The following STARD13 variants were observed in gnomAD, a reference collection of about 807,000 sequenced individuals.
STARD13 encodes the protein stAR-related lipid transfer protein 13.
A neutral mutation model predicts 106.4 loss-of-function variants in STARD13; 62 were observed. The ratio of observed to expected loss-of-function variants is 0.58; its 90% confidence interval spans 0.48 to 0.72. STARD13 has a LOEUF of 0.72. STARD13 is among the 30% of genes least tolerant of loss of function. The probability of loss-of-function intolerance (pLI) is 0.00; values close to 1 mark genes in which losing one functional copy is unlikely to be tolerated. For missense variants in STARD13, 1,387 were observed against 1,424.0 expected (o/e 0.97, Z 0.42); for synonymous variants, 565 against 553.0 (o/e 1.02, Z -0.31).
At chr13:33,189,361 C>A (rs1886034096) in intron 1 of STARD13, among the ~76,000 whole-genome samples, 1 of 141,684 alleles carries the variant, frequency 7.1e-6, no homozygotes, top group Non-Finnish European at 1.5e-5. Context: ...GGAAAAGAAG[C>A]AGGAGGGCAG....
chr13:33,337,046 T>G (rs1295001870), intron 1 of STARD13, among the ~76,000 whole-genome samples: 1 of 152,142 alleles, frequency 6.6e-6, no homozygotes, highest in African/African-American at 2.4e-5. Flanking sequence ...CAAGGTTAAA[T>G]GTAAAATATT....
intron 1 of STARD13, among the ~76,000 whole-genome samples, chr13:33,193,000 T>A (rs797201): frequency 0.8 from 121,187 of 152,176 alleles, 48,701 homozygotes; most frequent in African/African-American, 0.91. Flanking sequence ...CTATAACTCA[T>A]ACCACAGCTT....
At chr13:33,623,624 T>G in the STARD13 span, among the ~76,000 whole-genome samples, 1 of 152,098 alleles carries the variant, frequency 6.6e-6, no homozygotes, top group Non-Finnish European at 1.5e-5. Flanking sequence ...TACATCTACA[T>G]ATTTAATTAT....
the STARD13 span, among the ~76,000 whole-genome samples, chr13:33,485,378 A>G: frequency 6.6e-6 from 1 of 152,238 alleles, no homozygotes; most frequent in Non-Finnish European, 1.5e-5. Flanking sequence ...ACTCTCCAAG[A>G]AATTAGGAAA....
At chr13:33,524,309 T>C in the STARD13 span, 2 of 1,267,140 alleles carry the variant, frequency 1.6e-6, no homozygotes, top group Middle Eastern at 2.2e-4. Context: ...TTTGCAGTTT[T>C]AGTTCTACAA....
At chr13:33,591,257 T>G in the STARD13 span, among the ~76,000 whole-genome samples, 1 of 152,370 alleles carries the variant, frequency 6.6e-6, no homozygotes, top group Admixed American at 6.5e-5. Flanking sequence ...TAATAGTGAT[T>G]ATCTGAAGCC....
chr13:33,648,764 C>CT, the STARD13 span, among the ~76,000 whole-genome samples: 140 of 128,024 alleles, frequency 1.1e-3, 1 homozygote, highest in African/African-American at 3.8e-3. Flanking sequence ...TTATGATGCT[C>CT]TTTTTTTCTT....
At chr13:33,205,723 CTT>C (rs1191372769) in intron 1 of STARD13, 7 of 414,474 alleles carry the variant, frequency 1.7e-5, no homozygotes, top group African/African-American at 2.2e-5. Context: ...ACAAAGAAAA[CTT>C]TTTATATCAA....
intron 1 of STARD13, among the ~76,000 whole-genome samples, chr13:33,223,071 C>A (rs1176014921): frequency 6.6e-6 from 1 of 152,226 alleles, no homozygotes; most frequent in Non-Finnish European, 1.5e-5. Context: ...AAACAGACCA[C>A]CTGTTAATTT....
chr13:33,211,843 G>A (rs1594112570), intron 1 of STARD13, among the ~76,000 whole-genome samples: 1 of 151,982 alleles, frequency 6.6e-6, no homozygotes, highest in South Asian at 2.1e-4. Flanking sequence ...GTGTGTGTGT[G>A]TGTGTATGAC....
the STARD13 span, among the ~76,000 whole-genome samples, chr13:33,487,598 G>T: frequency 6.6e-6 from 1 of 152,048 alleles, no homozygotes; most frequent in African/African-American, 2.4e-5. Context: ...ATGAGATCCC[G>T]GTGCACTCAC....
chr13:33,399,085 C>T, the STARD13 span, among the ~76,000 whole-genome samples: 5 of 151,958 alleles, frequency 3.3e-5, no homozygotes, highest in East Asian at 9.6e-4. Context: ...GCTACCACCA[C>T]ATTAATGGAT....
At chr13:33,224,044 G>A (rs1439841635) in intron 1 of STARD13, among the ~76,000 whole-genome samples, 1 of 152,154 alleles carries the variant, frequency 6.6e-6, no homozygotes, top group East Asian at 1.9e-4. Flanking sequence ...AGGCTTGATT[G>A]AGCCAATAGA....
chr13:33,179,488 T>C (rs1227198184), intron 1 of STARD13, among the ~76,000 whole-genome samples: 1 of 152,252 alleles, frequency 6.6e-6, no homozygotes, highest in African/African-American at 2.4e-5. Context: ...TATTAGAAGA[T>C]AGTGGTTCTG....
chr13:33,169,070 C>T (rs79168685), intron 1 of STARD13, among the ~76,000 whole-genome samples: 3,492 of 152,268 alleles, frequency 0.023, 70 homozygotes, highest in Non-Finnish European at 0.038. Flanking sequence ...GAGGGTTTTC[C>T]ACTTAAGTGT....
the STARD13 span, among the ~76,000 whole-genome samples, chr13:33,470,253 A>G: frequency 6.6e-6 from 1 of 152,062 alleles, no homozygotes; most frequent in Admixed American, 6.6e-5. Context: ...GCTGCATAGT[A>G]TTCCGCGGTG....
chr13:33,522,595 T>C, the STARD13 span, among the ~76,000 whole-genome samples: 1 of 152,176 alleles, frequency 6.6e-6, no homozygotes, highest in Non-Finnish European at 1.5e-5. Context: ...GTCTTCTTAA[T>C]TTTGTCTTTT....
the STARD13 span, among the ~76,000 whole-genome samples, chr13:33,546,015 A>T: frequency 6.6e-6 from 1 of 152,250 alleles, no homozygotes; most frequent in African/African-American, 2.4e-5. Context: ...TTAGTATTTT[A>T]TGACATTTAT....
At chr13:33,635,516 C>T in the STARD13 span, among the ~76,000 whole-genome samples, 3 of 151,710 alleles carry the variant, frequency 2.0e-5, no homozygotes, top group Non-Finnish European at 4.4e-5. Context: ...AAAAATTAGC[C>T]GGGTGTGGTG....
Sources: allele counts gnomAD v4.1 joint callset (sites outside exome capture counted in the v4.1 genomes callset), GRCh38; gene constraint gnomAD v4.1.1; transcripts MANE v1.5; gene names NCBI Gene and HGNC (gene_info 2026-07-23, HGNC 2026-07-21).